THSD4: variants seen among roughly 807,000 people sequenced by gnomAD.
The protein encoded by THSD4 is thrombospondin type-1 domain-containing protein 4.
Under a neutral mutation model 119.0 loss-of-function variants are expected in THSD4, and 69 were observed. The observed-to-expected ratio is 0.58, with a 90% CI of 0.48 to 0.71. The LOEUF (loss-of-function observed/expected upper bound fraction) is 0.71, where lower values mean the gene tolerates loss of function less well. Among genes scored for constraint, THSD4 ranks in the 30% least tolerant of loss-of-function variants. THSD4 has a pLI of 0.00. For missense variants in THSD4, 1,393 were observed against 1,391.1 expected, an observed-to-expected ratio of 1.00 and a Z score of -0.02; for synonymous variants, 524 against 540.4, an observed-to-expected ratio of 0.97 and a Z score of 0.42.
chr15:71,480,090 G>A (rs1595808743), intron 7 of THSD4, among the ~76,000 whole-genome samples: 1 of 152,232 alleles, frequency 6.6e-6, no homozygotes. Flanking sequence ...AGGCTAGAGT[G>A]CAGTGGTGGG....
intron 7 of THSD4, among the ~76,000 whole-genome samples, chr15:71,423,764 G>A (rs1170142738): frequency 2.0e-5 from 3 of 152,142 alleles, no homozygotes; most frequent in East Asian, 1.9e-4. Flanking sequence ...GCGATTACAC[G>A]GCTTGTGGCC....
chr15:71,512,829 T>C (rs181963442), intron 7 of THSD4, among the ~76,000 whole-genome samples: 139 of 152,092 alleles, frequency 9.1e-4, no homozygotes, highest in African/African-American at 3.2e-3. Context: ...CATACGAGAG[T>C]AGGGCTTGTG....
chr15:71,149,022 C>T (rs996033725), intron 2 of THSD4, among the ~76,000 whole-genome samples: 1 of 151,724 alleles, frequency 6.6e-6, no homozygotes, highest in African/African-American at 2.4e-5. Flanking sequence ...ACCCATCCCC[C>T]TTCCTTGCTG....
chr15:71,409,991 G>A (rs1222600540), intron 6 of THSD4, among the ~76,000 whole-genome samples: 2 of 148,120 alleles, frequency 1.4e-5, no homozygotes, highest in Non-Finnish European at 3.0e-5. Context: ...TTCTTATTTT[G>A]GAAGCAACTA....
intron 7 of THSD4, among the ~76,000 whole-genome samples, chr15:71,426,729 A>G (rs1470226252): frequency 6.6e-6 from 1 of 151,862 alleles, no homozygotes; most frequent in East Asian, 1.9e-4. Context: ...CCCCAAGCAA[A>G]CTCTAATCTA....
At chr15:71,166,961 A>G (rs2043300215) in intron 3 of THSD4, 2 of 152,366 alleles carry the variant, frequency 1.3e-5, no homozygotes, top group South Asian at 4.1e-4. Flanking sequence ...TATATAGAGA[A>G]CATATATTTT....
chr15:71,118,662 C>G (rs1487820231), intron 1 of THSD4, among the ~76,000 whole-genome samples: 3 of 152,190 alleles, frequency 2.0e-5, no homozygotes, highest in Admixed American at 2.0e-4. Flanking sequence ...TCTGGTTTTC[C>G]CATCTTTTTC....
intron 7 of THSD4, among the ~76,000 whole-genome samples, chr15:71,417,048 T>C (rs2046768331): frequency 9.2e-6 from 1 of 109,056 alleles, no homozygotes; most frequent in Non-Finnish European, 2.0e-5. Flanking sequence ...CATGAGCCAC[T>C]GCACCTGGCC....
intron 7 of THSD4, among the ~76,000 whole-genome samples, chr15:71,579,153 C>G (rs2049512523): frequency 1.3e-5 from 2 of 152,142 alleles, no homozygotes; most frequent in South Asian, 4.1e-4. Context: ...ATCAAACTAG[C>G]AGTAATTATG....
Position 71,126,179 on chromosome 15 carries a change from C to T in THSD4, c.-80+10481C>T, listed in dbSNP as rs80130273. The stretch of plus-strand genomic sequence containing the variant: ...TTCCTACTGGCGTGGTCAGAGGAGG[C>T]CTAGTGGACAGTCAGGGCTCTTACC... On this transcript the variant is annotated intron_variant, in intron 1 of 17. Transcript: ENST00000261862. Among the ~76,000 whole-genome samples, 803 of 152,278 alleles carry T rather than the reference C, an allele frequency of 5.3e-3. 5 individuals carry two copies. Among genetic ancestry groups the T allele is most frequent in the African/African-American group, 0.017 (713 of 41,550 alleles).
intron 7 of THSD4, among the ~76,000 whole-genome samples, chr15:71,459,900 A>G (rs2047403332): frequency 6.6e-6 from 1 of 151,956 alleles, no homozygotes; most frequent in South Asian, 2.1e-4. Context: ...TCTCTTAAAG[A>G]CTATATATTC....
intron 6 of THSD4, among the ~76,000 whole-genome samples, chr15:71,300,335 A>C (rs1390682083): frequency 6.6e-6 from 1 of 152,156 alleles, no homozygotes; most frequent in Non-Finnish European, 1.5e-5. Context: ...AGGCCCCCTT[A>C]TCAGAGGACT....
Position 71,727,204 on chromosome 15 carries a change from C to T in THSD4, c.1358-1345C>T, listed in dbSNP as rs528326509. Among the ~76,000 whole-genome samples, 32 of 152,112 alleles carry T rather than the reference C, an allele frequency of 2.1e-4. 1 individual carries two copies. In the South Asian group the frequency reaches 6.4e-3, roughly 31 times the overall value. ...CCACTCTGAAAAATGGGGATTATAA[C>T]ATCTGCTGTGCAATGTTGTGACGAT... is the stretch of plus-strand genomic sequence containing the variant. On this transcript the variant is annotated intron_variant, in intron 8 of 17. Coordinates refer to ENST00000261862, the MANE Select transcript of THSD4 (RefSeq NM_024817.3).
intron 6 of THSD4, among the ~76,000 whole-genome samples, chr15:71,407,657 C>A (rs1376820463): frequency 4.0e-5 from 6 of 151,332 alleles, no homozygotes; most frequent in African/African-American, 7.3e-5. Flanking sequence ...CGGGTAATAT[C>A]CTAAATTTAG....
intron 8 of THSD4, among the ~76,000 whole-genome samples, chr15:71,707,817 G>T (rs1181297578): frequency 6.6e-6 from 1 of 152,118 alleles, no homozygotes; most frequent in Non-Finnish European, 1.5e-5. Flanking sequence ...CTAACATTTT[G>T]CTTGGAGAAA....
At chr15:71,685,623 C>T (rs907356743) in intron 8 of THSD4, among the ~76,000 whole-genome samples, 2 of 152,004 alleles carry the variant, frequency 1.3e-5, no homozygotes, top group African/African-American at 4.8e-5. Context: ...GATTATTTGG[C>T]TAAAGTATAT....
chr15:71,101,007 G>A (rs1430684703), intron 1 of THSD4, among the ~76,000 whole-genome samples: 1 of 151,606 alleles, frequency 6.6e-6, no homozygotes, highest in African/African-American at 2.4e-5. Context: ...AAAATAAAAA[G>A]TAAAATAAAA....
intron 8 of THSD4, among the ~76,000 whole-genome samples, chr15:71,676,026 G>A (rs1270666161): frequency 6.6e-6 from 1 of 152,104 alleles, no homozygotes; most frequent in Non-Finnish European, 1.5e-5. Flanking sequence ...GAATCCTTGG[G>A]CTAAATCTCC....
rs944069056 is a variant in THSD4 at position 71,463,675 on chromosome 15, A to G, written c.1152+51852A>G. ...CTAGGGAACTTCTAGGTTCACAAAG[A>G]TCTATCTATTGACCGACCTCTTGTC... On this transcript the variant is annotated intron_variant, in intron 7 of 17. Transcript: ENST00000261862. Among the ~76,000 whole-genome samples, 3 of 152,150 alleles carry G rather than the reference A, an allele frequency of 2.0e-5. No individual in the cohort carries two copies. In the South Asian group the frequency reaches 6.2e-4, roughly 32 times the overall value.
Sources: gnomAD v4.1 joint callset for allele counts (sites outside exome capture counted in the v4.1 genomes callset) on GRCh38, gnomAD v4.1.1 for gene constraint, MANE v1.5 for transcripts, NCBI Gene and HGNC (gene_info 2026-07-23, HGNC 2026-07-21) for gene names.